The following SCN2A variants were observed in gnomAD, a reference collection of about 807,000 sequenced individuals.
SCN2A encodes sodium channel protein type 2 subunit alpha.
SCN2A carries 20 observed loss-of-function variants against 188.7 expected under a neutral mutation model. The ratio of observed to expected loss-of-function variants is 0.11; its 90% CI spans 0.07 to 0.15. The LOEUF is 0.15. SCN2A is among the 10% of genes least tolerant of loss of function. SCN2A has a pLI of 1.00. For synonymous variants in SCN2A, 804 were observed against 833.1 expected, an observed-to-expected ratio of 0.97 and a Z score of 0.60; for missense variants, 1,278 against 2,445.0, an observed-to-expected ratio of 0.52 and a Z score of 10.07.
intron 1 of SCN2A, among the ~76,000 whole-genome samples, chr2:165,250,792 A>T (rs574310762): frequency 4.6e-5 from 7 of 152,162 alleles, no homozygotes; most frequent in African/African-American, 1.7e-4. Flanking sequence ...GATGGCAAGG[A>T]ATGTGTTTTT....
intron 11 of SCN2A, 101 bp from the exon 12 acceptor site, chr2:165,323,055 T>G (rs1194039620): frequency 1.8e-6 from 2 of 1,127,026 alleles, no homozygotes; most frequent in Non-Finnish European, 1.3e-6. Context: ...TATCCTTGAG[T>G]AAGTCAATGA....
intron 1 of SCN2A, among the ~76,000 whole-genome samples, chr2:165,288,900 C>A (rs960272958): frequency 1.3e-5 from 2 of 152,002 alleles, no homozygotes; most frequent in African/African-American, 2.4e-5. Flanking sequence ...TTTAGCAAAT[C>A]TTTTATTGGT....
At chr2:165,291,053 T>C (rs1696083201) in intron 1 of SCN2A, among the ~76,000 whole-genome samples, 1 of 141,534 alleles carries the variant, frequency 7.1e-6, no homozygotes, top group African/African-American at 2.6e-5. Context: ...TTTTTTTTTT[T>C]TTTTTTGAGA....
At chr2:165,275,403 T>A (rs1360276310) in intron 1 of SCN2A, among the ~76,000 whole-genome samples, 1 of 152,190 alleles carries the variant, frequency 6.6e-6, no homozygotes, top group Non-Finnish European at 1.5e-5. Context: ...GAGCAATTTG[T>A]ACCACATGTC....
At chr2:165,318,576 T>C (rs899272138) in intron 11 of SCN2A, among the ~76,000 whole-genome samples, 1 of 152,218 alleles carries the variant, frequency 6.6e-6, no homozygotes, top group Admixed American at 6.5e-5. Context: ...TCATTTCTCA[T>C]ATAGCTGTCA....
intron 15 of SCN2A, among the ~76,000 whole-genome samples, chr2:165,343,851 A>G (rs888872730): frequency 3.9e-5 from 6 of 152,210 alleles, no homozygotes; most frequent in African/African-American, 1.4e-4. Flanking sequence ...AATATAATAT[A>G]TGTTTAAAAT....
Position 165,295,762 on chromosome 2 carries a change from T to C in SCN2A, c.-51-11T>C. The C allele has an allele frequency of 1.9e-6, 3 of 1,612,584 alleles. No individual in the cohort carries two copies. Among genetic ancestry groups the C allele is most frequent in the Non-Finnish European group, 2.5e-6 (3 of 1,179,580 alleles). ...ATGGTCATTGCTTTTTTTCCCTCCC[T>C]GTTTCTGTAGCACTTTCTTATGCAA... On this transcript the variant is annotated splice_polypyrimidine_tract_variant and intron_variant, in intron 1 of 26. Transcript: ENST00000375437.
chr2:165,362,539 C>A (rs1700515502), intron 17 of SCN2A, among the ~76,000 whole-genome samples: 1 of 152,056 alleles, frequency 6.6e-6, no homozygotes, highest in African/African-American at 2.4e-5. Flanking sequence ...CTATTGAAAA[C>A]AGACAGTGTA....
chr2:165,315,245 C>T (rs1697667968), intron 10 of SCN2A, among the ~76,000 whole-genome samples: 1 of 152,124 alleles, frequency 6.6e-6, no homozygotes, highest in African/African-American at 2.4e-5. Context: ...AGTGTGAGGA[C>T]AGAGCTTGAA....
At chr2:165,323,608 G>A in intron 12 of SCN2A, 108 bp downstream of exon 12, 1 of 1,066,238 alleles carries the variant, frequency 9.4e-7, no homozygotes, top group Non-Finnish European at 1.4e-6. Flanking sequence ...GTTGCCCAAA[G>A]GCTGGGAGTT....
intron 3 of SCN2A, among the ~76,000 whole-genome samples, chr2:165,305,344 T>C (rs1574546693): frequency 6.6e-6 from 1 of 152,216 alleles, no homozygotes; most frequent in South Asian, 2.1e-4. Flanking sequence ...ACAGATGTCC[T>C]ATGGACAATC....
rs369949869 is a variant in SCN2A at position 165,242,940 on chromosome 2, C to A, written c.-52+3300C>A. On this transcript the variant is annotated intron_variant, in intron 1 of 26. Transcript: ENST00000375437. Reference sequence around the variant, plus strand: ...GATGAAGTATCTCCTCTGATTAAATCAGTTTGTTCCTCAGTAAAGGCTATT... The same window carrying A: ...GATGAAGTATCTCCTCTGATTAAATAAGTTTGTTCCTCAGTAAAGGCTATT... Among the ~76,000 whole-genome samples, 25 of 152,310 alleles carry A rather than the reference C, an allele frequency of 1.6e-4. No individual in the cohort carries two copies. In the East Asian group the frequency reaches 3.5e-3, roughly 21 times the overall value.
intron 19 of SCN2A, 87 bp from the exon 20 acceptor site, chr2:165,370,039 A>C: frequency 8.5e-7 from 1 of 1,180,404 alleles, no homozygotes; most frequent in Non-Finnish European, 1.2e-6. Context: ...GCACCTGATA[A>C]GAGCTTGCAT....
intron 1 of SCN2A, among the ~76,000 whole-genome samples, chr2:165,262,703 A>G (rs944488035): frequency 2.6e-5 from 4 of 152,152 alleles, no homozygotes; most frequent in South Asian, 2.1e-4. Context: ...TTGTGCTGCT[A>G]TAAACATGCG....
At chr2:165,278,309 G>A (rs2106116154) in intron 1 of SCN2A, among the ~76,000 whole-genome samples, 1 of 152,276 alleles carries the variant, frequency 6.6e-6, no homozygotes. Flanking sequence ...AAGGAAAGAG[G>A]TTTAATTGAT....
chr2:165,386,701 T>C (rs1701893426), intron 25 of SCN2A, 45 bp from the exon 26 acceptor site: 1 of 1,579,800 alleles, frequency 6.3e-7, no homozygotes, highest in Non-Finnish European at 8.7e-7. Flanking sequence ...GAATTCGATT[T>C]TTTTTAAGGT....
At chr2:165,303,270 GTTT>G (rs71028477) in intron 3 of SCN2A, among the ~76,000 whole-genome samples, 29 of 91,318 alleles carry the variant, frequency 3.2e-4, no homozygotes, top group African/African-American at 5.7e-4. Context: ...TGTTATTTGA[GTTT>G]TTTTTTTTTT....
chr2:165,374,135 A>G (rs890186930), intron 21 of SCN2A, among the ~76,000 whole-genome samples: 4 of 151,628 alleles, frequency 2.6e-5, no homozygotes, highest in Non-Finnish European at 2.9e-5. Context: ...GTGTGTCTGT[A>G]TATGCATGGT....
chr2:165,314,299 T>C (rs913042702), intron 10 of SCN2A, among the ~76,000 whole-genome samples, 191 bp downstream of exon 10: 7 of 152,178 alleles, frequency 4.6e-5, no homozygotes, highest in Non-Finnish European at 7.4e-5. Context: ...TCAATAGTAA[T>C]GGCATCAAAA....
Sources: allele counts gnomAD v4.1 joint callset (sites outside exome capture counted in the v4.1 genomes callset), GRCh38; gene constraint gnomAD v4.1.1; transcripts MANE v1.5; gene names NCBI Gene and HGNC (gene_info 2026-07-23, HGNC 2026-07-21).